Variants in RIC8B observed in about 807,000 individuals in gnomAD.
RIC8B encodes the protein chaperone Ric-8B.
RIC8B carries 16 observed loss-of-function variants against 57.5 expected under a neutral mutation model. The observed-to-expected ratio is 0.28, with a 90% confidence interval of 0.19 to 0.42. RIC8B has a LOEUF of 0.42. Among genes scored for constraint, RIC8B ranks in the 10% least tolerant of loss-of-function variants. The probability of loss-of-function intolerance (pLI) is 1.00; values close to 1 mark genes in which losing one functional copy is unlikely to be tolerated. For missense variants in RIC8B, 481 were observed against 677.0 expected (o/e 0.71, Z 3.21); for synonymous variants, 216 against 250.8 (o/e 0.86, Z 1.31).
At position 106,815,179 on chromosome 12, in the gene RIC8B, G is replaced by T. The variant is rs745611692; in HGVS notation, c.616G>T (p.Asp206Tyr). ...AAGTGCCTTTAGCATCAAGTGGACC[G>T]ATGAGTATGAATCGGCCATAGACCA... ...LESAFSIKWT[D>Y]EYESAIDHNG... The change falls in exon 3 of 10, where the codon GAT (aspartate) becomes TAT (tyrosine). Residue 206 changes from aspartate (D) to tyrosine (Y), a missense_variant. Asp to Tyr is a radical substitution (Grantham distance 160, BLOSUM62 -3). Around this residue, in one of 3 missense-constraint regions of RIC8B, gnomAD observed 421 missense variants for 560.9 expected, o/e 0.75. Coordinates refer to ENST00000392837, the MANE Select transcript of RIC8B (RefSeq NM_001330145.2). The T allele has an allele frequency of 6.2e-7, 1 of 1,614,200 alleles. No homozygotes were observed. Among genetic ancestry groups the T allele is most frequent in the East Asian group, 2.2e-5 (1 of 44,888 alleles).
At chr12:106,848,687 A>G (rs1566130957) in intron 6 of RIC8B, among the ~76,000 whole-genome samples, 1 of 152,128 alleles carries the variant, frequency 6.6e-6, no homozygotes, top group East Asian at 1.9e-4. Flanking sequence ...GTACCAAGCA[A>G]TTGGGAGAAT....
chr12:106,801,610 C>T (rs2044733781), intron 2 of RIC8B, among the ~76,000 whole-genome samples: 1 of 152,104 alleles, frequency 6.6e-6, no homozygotes, highest in African/African-American at 2.4e-5. Flanking sequence ...GAAAAACCCT[C>T]AAGTGTATAT....
Position 106,821,830 on chromosome 12 carries a change from G to A in RIC8B, c.742-3896G>A, listed in dbSNP as rs563639871. On this transcript the variant is annotated intron_variant, in intron 3 of 9. Coordinates refer to ENST00000392837, the MANE Select transcript of RIC8B (RefSeq NM_001330145.2). ...GCGGTGGCTCACGCCTGTAATCCCA[G>A]CACTTTGGGAGCCTGAGGCAGGCAG... 5.3e-5 allele frequency among the ~76,000 whole-genome samples: 8 copies of A among 152,022 alleles called. 1 individual carries two copies. The South Asian group carries it at 1.7e-3, about 32-fold the overall frequency.
At chr12:106,873,039 C>T (rs1950513809) in intron 9 of RIC8B, 4 of 985,242 alleles carry the variant, frequency 4.1e-6, no homozygotes, top group Non-Finnish European at 4.8e-6. Flanking sequence ...CAGGGGAATC[C>T]ACATATTCTA....
Position 106,886,128 on chromosome 12 carries a change from A to T in RIC8B, c.*113A>T. The T allele has an allele frequency of 1.3e-6, 1 of 742,550 alleles. No individual in the cohort carries two copies. The highest frequency in any genetic ancestry group is 2.3e-6 in the Non-Finnish European group (1 of 438,834). The allele number at this position is 742,550 out of a possible 1,614,324, so 46.0% of individuals were successfully genotyped here. A position where few individuals can be genotyped will look rare whatever the true frequency, so the allele number is the denominator to read the frequency against. On this transcript the variant is annotated 3_prime_UTR_variant, in exon 10 of 10. Coordinates refer to ENST00000392837, the MANE Select transcript of RIC8B (RefSeq NM_001330145.2). ...CCCTTGCTTTGGCTAGAAACACATT[A>T]ACTGGTTTACTCATTGAGAATCCAG...
intron 3 of RIC8B, among the ~76,000 whole-genome samples, chr12:106,821,993 G>T (rs1451335588): frequency 6.7e-6 from 1 of 150,064 alleles, no homozygotes; most frequent in Non-Finnish European, 1.5e-5. Flanking sequence ...CAGGACAATG[G>T]CGTGAATCCG....
intron 2 of RIC8B, among the ~76,000 whole-genome samples, chr12:106,806,555 G>A (rs1321145272): frequency 2.0e-5 from 3 of 151,842 alleles, no homozygotes; most frequent in East Asian, 1.9e-4. Flanking sequence ...CTTTATTGCC[G>A]GCGCAATGGC....
At chr12:106,848,843 C>A (rs927973771) in intron 6 of RIC8B, among the ~76,000 whole-genome samples, 2 of 152,000 alleles carry the variant, frequency 1.3e-5, no homozygotes, top group Non-Finnish European at 2.9e-5. Context: ...TTACCAGGGG[C>A]TGTGGAGAAG....
At chr12:106,850,682 T>C (rs1465999494) in intron 6 of RIC8B, among the ~76,000 whole-genome samples, 1 of 152,210 alleles carries the variant, frequency 6.6e-6, no homozygotes, top group Non-Finnish European at 1.5e-5. Flanking sequence ...ATAATGTATA[T>C]ATATCATCTA....
At chr12:106,816,702 CA>C (rs536400201) in intron 3 of RIC8B, among the ~76,000 whole-genome samples, 31 of 151,630 alleles carry the variant, frequency 2.0e-4, no homozygotes, top group Non-Finnish European at 3.4e-4. Context: ...AGATTCCTGA[CA>C]AAAAAGGGTT....
chr12:106,853,816 T>C (rs1227279540), intron 7 of RIC8B, among the ~76,000 whole-genome samples: 1 of 152,136 alleles, frequency 6.6e-6, no homozygotes, highest in Non-Finnish European at 1.5e-5. Flanking sequence ...GTAAATGTAT[T>C]CTTCCGGAAT....
Position 106,887,665 on chromosome 12 carries a change from T to C in RIC8B, c.*1650T>C, listed in dbSNP as rs1486067247. The C allele has an allele frequency of 2.0e-5, 3 of 152,214 alleles. No homozygotes were observed. In the East Asian group the frequency reaches 5.8e-4, roughly 29 times the overall value. The allele number at this position is 152,214 out of a possible 1,614,324, so 9.4% of individuals were successfully genotyped here. On this transcript the variant is annotated 3_prime_UTR_variant, in exon 10 of 10. Transcript: ENST00000392837. ...AAAGAATGGCAAAGAAAGAGGCTGCTAGATTGAAGGCAGGCATACTGAAAG... is the reference window on the plus strand; with the variant it reads ...AAAGAATGGCAAAGAAAGAGGCTGCCAGATTGAAGGCAGGCATACTGAAAG...
chr12:106,799,459 TG>T (rs545761510), intron 2 of RIC8B, among the ~76,000 whole-genome samples: 39 of 152,362 alleles, frequency 2.6e-4, no homozygotes, highest in Middle Eastern at 3.4e-3. Context: ...TCAAGAAATT[TG>T]CCCAAGATTA....
chr12:106,833,715 T>G (rs1413585349), intron 4 of RIC8B, among the ~76,000 whole-genome samples: 2 of 152,214 alleles, frequency 1.3e-5, no homozygotes, highest in Non-Finnish European at 2.9e-5. Context: ...AGCTAATAGC[T>G]GTGGGCACAT....
At chr12:106,799,745 C>T (rs574310747) in intron 2 of RIC8B, among the ~76,000 whole-genome samples, 134 of 152,198 alleles carry the variant, frequency 8.8e-4, no homozygotes, top group African/African-American at 3.1e-3. Context: ...ATTTTGTTTC[C>T]GTACTTTTTC....
Position 106,867,224 on chromosome 12 carries a change from T to G in RIC8B, c.1452-3599T>G, listed in dbSNP as rs970760973. ...TGTTCATTTGTCCATACCTTTTTAG[T>G]GTGTCTTAATCCTTTTGTCTCCAGG... On this transcript the variant is annotated intron_variant, in intron 8 of 9. Transcript: ENST00000392837. This position sits in a 1 kb window ranked among gnomAD's most constrained non-coding sequence, Gnocchi z 4.3. 6.6e-6 allele frequency among the ~76,000 whole-genome samples: 1 copy of G among 152,234 alleles called. No homozygotes were observed. Among genetic ancestry groups the G allele is most frequent in the African/African-American group, 2.4e-5 (1 of 41,458 alleles).
chr12:106,779,160 G>T (rs1331985998), intron 1 of RIC8B, among the ~76,000 whole-genome samples: 1 of 151,870 alleles, frequency 6.6e-6, no homozygotes, highest in Admixed American at 6.6e-5. Flanking sequence ...TGATCTGCCC[G>T]CCTCGGCCTC....
At chr12:106,862,579 C>A (rs1455731494) in intron 8 of RIC8B, among the ~76,000 whole-genome samples, 1 of 152,040 alleles carries the variant, frequency 6.6e-6, no homozygotes, top group Non-Finnish European at 1.5e-5. Context: ...TTGCTTACTC[C>A]CCTACACCTG....
chr12:106,885,361 A>G (rs1351346331), intron 9 of RIC8B, among the ~76,000 whole-genome samples: 1 of 152,148 alleles, frequency 6.6e-6, no homozygotes, highest in Non-Finnish European at 1.5e-5. Context: ...GAAGGAAAGA[A>G]AAGTCGGGGA....
Sources: gnomAD v4.1 joint callset for allele counts (sites outside exome capture counted in the v4.1 genomes callset) on GRCh38, gnomAD v4.1.1 for gene constraint, gnomAD v4.1.1 regional missense constraint, Gnocchi (gnomAD v3.1) non-coding constraint, MANE v1.5 for transcripts, NCBI Gene and HGNC (gene_info 2026-07-23, HGNC 2026-07-21) for gene names.